The following GLIS1 variants were observed in gnomAD, a reference collection of about 807,000 sequenced individuals.
GLIS1 encodes the protein zinc finger protein GLIS1.
A neutral mutation model predicts 63.8 loss-of-function variants in GLIS1; 24 were observed. The ratio of observed to expected loss-of-function variants is 0.38; its 90% CI spans 0.27 to 0.53. The LOEUF (loss-of-function observed/expected upper bound fraction) is 0.53. Among genes scored for constraint, GLIS1 ranks in the 20% least tolerant of loss-of-function variants. The probability of loss-of-function intolerance (pLI) is 0.85; values close to 1 mark genes in which losing one functional copy is unlikely to be tolerated. For synonymous variants in GLIS1, 450 were observed against 482.5 expected (o/e 0.93, Z 0.88); for missense variants, 1,036 against 1,074.1 (o/e 0.96, Z 0.50).
In GLIS1 at chr1:53,594,349, C is replaced by A. The variant is rs1482036228; in HGVS notation, c.1079G>T (p.Gly360Val). ...CCCGGCCACCACCCTGCCTGCCAGGCCCAGCCCCAGGCCTCCAAGGCTTGG... is the reference window on the plus strand; with the variant it reads ...CCCGGCCACCACCCTGCCTGCCAGGACCAGCCCCAGGCCTCCAAGGCTTGG... Reference protein sequence around the residue: ...PGPSLGGLGLGLAGRVVAGRQ... With the variant: ...PGPSLGGLGLVLAGRVVAGRQ... The change falls in exon 4 of 11, where the codon GGC becomes GTC. Residue 360 changes from glycine to valine, a missense_variant. Gly to Val is a moderately radical substitution (Grantham distance 109, BLOSUM62 -3). Around this residue, in one of 3 missense-constraint regions of GLIS1, gnomAD observed 592 missense variants for 593.9 expected, o/e 1.00. Transcript: ENST00000628545. The A allele has an allele frequency of 3.7e-6, 6 of 1,611,440 alleles. No individual in the cohort carries two copies. Among genetic ancestry groups the A allele is most frequent in the Non-Finnish European group, 5.1e-6 (6 of 1,179,158 alleles).
intron 2 of GLIS1, among the ~76,000 whole-genome samples, chr1:53,618,702 C>T (rs1645508453): frequency 6.6e-6 from 1 of 152,230 alleles, no homozygotes; most frequent in Admixed American, 6.5e-5. Context: ...AGCCCACTCA[C>T]AGATACTGCT....
intron 2 of GLIS1, among the ~76,000 whole-genome samples, chr1:53,662,374 T>G (rs1646038167): frequency 6.6e-6 from 1 of 152,198 alleles, no homozygotes; most frequent in African/African-American, 2.4e-5. Flanking sequence ...AACCATGTGT[T>G]CCCAATGAGG....
At chr1:53,647,788 A>G (rs917626699) in intron 2 of GLIS1, among the ~76,000 whole-genome samples, 1 of 152,168 alleles carries the variant, frequency 6.6e-6, no homozygotes, top group East Asian at 1.9e-4. Context: ...TCATTAAGAG[A>G]GAAAAAGGGC....
At chr1:53,728,691 T>G (rs550365716) in intron 2 of GLIS1, among the ~76,000 whole-genome samples, 1 of 152,304 alleles carries the variant, frequency 6.6e-6, no homozygotes, top group Admixed American at 6.5e-5. Flanking sequence ...CAAAAATGAT[T>G]TAAGGAGGCA....
At chr1:53,653,389 T>C (rs1167547654) in intron 2 of GLIS1, among the ~76,000 whole-genome samples, 1 of 152,124 alleles carries the variant, frequency 6.6e-6, no homozygotes, top group African/African-American at 2.4e-5. Context: ...CCAGTGGAAG[T>C]ACCTATCCAC....
At chr1:53,589,370 C>T (rs1010674733) in intron 4 of GLIS1, among the ~76,000 whole-genome samples, 1 of 152,228 alleles carries the variant, frequency 6.6e-6, no homozygotes, top group Non-Finnish European at 1.5e-5. Context: ...TCCCCCGCCC[C>T]TCCCAGCACC....
intron 6 of GLIS1, 56 bp downstream of exon 6, chr1:53,524,721 A>G: frequency 7.8e-7 from 1 of 1,274,514 alleles, no homozygotes; most frequent in East Asian, 2.3e-5. Context: ...ACCTGGCCTG[A>G]TGCGGTGCAG....
Position 53,509,974 on chromosome 1 carries a change from G to A in GLIS1, c.1937C>T (p.Pro646Leu). 1 of 1,292,750 alleles carries A rather than the reference G, an allele frequency of 7.7e-7. No individual in the cohort carries two copies. The highest frequency in any genetic ancestry group is 9.9e-7 in the Non-Finnish European group (1 of 1,012,112). 80.1% of individuals were successfully genotyped at this position (1,292,750 alleles called of 1,614,324 possible). Residue 646 changes from proline to leucine, a missense_variant, in exon 9 of 11, where the codon CCA (proline) becomes CTA (leucine). Pro to Leu is a moderately conservative substitution (Grantham distance 98). This residue lies in a region of GLIS1 where 400 missense variants were observed against 400.9 expected (regional missense o/e 1.00). Transcript: ENST00000628545. ...PIVSPLKGLGPPPLPPSSQSH... is the reference protein window; with the variant it reads ...PIVSPLKGLGLPPLPPSSQSH... ...CTGAGAGGATGGGGGCAGCGGCGGT[G>A]GCCCCAGCCCCTTCAGGGGGCTGAC...
At chr1:53,520,221 G>A (rs575799869) in intron 7 of GLIS1, among the ~76,000 whole-genome samples, 2 of 152,294 alleles carry the variant, frequency 1.3e-5, no homozygotes, top group East Asian at 3.9e-4. Context: ...ATGAAGGGTA[G>A]GAGAAGAGGG....
At position 53,586,689 on chromosome 1, in the gene GLIS1, G is replaced by C. The variant is rs529346890; in HGVS notation, c.1320+7419C>G. On this transcript the variant is annotated intron_variant, in intron 4 of 10. Coordinates refer to ENST00000628545, the MANE Select transcript of GLIS1 (RefSeq NM_001367484.1). Reference sequence around the variant, plus strand: ...CACAGGCTGAGGGGTGGCAAAGCTAGGTTTCAAATTCAGGCTTTCTTGCAG... The same window carrying C: ...CACAGGCTGAGGGGTGGCAAAGCTACGTTTCAAATTCAGGCTTTCTTGCAG... 1.4e-4 allele frequency among the ~76,000 whole-genome samples: 22 copies of C among 152,302 alleles called. No homozygotes were observed. In the South Asian group the frequency reaches 4.6e-3, roughly 32 times the overall value.
chr1:53,623,216 C>A (rs1344418865), intron 2 of GLIS1, among the ~76,000 whole-genome samples: 1 of 152,032 alleles, frequency 6.6e-6, no homozygotes. Flanking sequence ...GAAAAGATAA[C>A]AAACACATCA....
chr1:53,552,481 G>A (rs1226704337), intron 4 of GLIS1, among the ~76,000 whole-genome samples: 1 of 152,174 alleles, frequency 6.6e-6, no homozygotes, highest in Non-Finnish European at 1.5e-5. Flanking sequence ...ATACTTTTAA[G>A]CCAACCACAA....
At chr1:53,606,772 A>C in intron 2 of GLIS1, among the ~76,000 whole-genome samples, 1 of 152,344 alleles carries the variant, frequency 6.6e-6, no homozygotes, top group South Asian at 2.1e-4. Flanking sequence ...CCTCCAGAAC[A>C]GCAGGCCTGA....
chr1:53,592,105 G>T (rs1437299888), intron 4 of GLIS1, among the ~76,000 whole-genome samples: 2 of 152,250 alleles, frequency 1.3e-5, no homozygotes, highest in African/African-American at 4.8e-5. Flanking sequence ...GTAAGCCAGT[G>T]TCCTGTGAAG....
chr1:53,690,524 A>C (rs112729709), intron 2 of GLIS1, among the ~76,000 whole-genome samples: 5 of 152,366 alleles, frequency 3.3e-5, no homozygotes, highest in African/African-American at 1.2e-4. Flanking sequence ...CTTGGCTTCA[A>C]CGTCTGCATC....
At chr1:53,513,487 C>G (rs1644318918) in intron 8 of GLIS1, among the ~76,000 whole-genome samples, 1 of 152,212 alleles carries the variant, frequency 6.6e-6, no homozygotes, top group Non-Finnish European at 1.5e-5. Context: ...TGCCTACCTT[C>G]ACTCTTGCTA....
Position 53,609,609 on chromosome 1 carries a change from C to A in GLIS1, c.260-9331G>T, listed in dbSNP as rs889826232. On this transcript the variant is annotated intron_variant, in intron 2 of 10. Coordinates refer to ENST00000628545, the MANE Select transcript of GLIS1 (RefSeq NM_001367484.1). The stretch of plus-strand genomic sequence containing the variant: ...TTGAACCTATTCTAGGTTTTCTCTC[C>A]TTTCTTACCTTCTTTCAAATTAATC... 3.9e-5 allele frequency among the ~76,000 whole-genome samples: 6 copies of A among 152,304 alleles called. No individual in the cohort carries two copies. In the East Asian group the frequency reaches 1.2e-3, roughly 29 times the overall value.
intron 8 of GLIS1, among the ~76,000 whole-genome samples, chr1:53,510,575 A>C (rs1038575318): frequency 6.6e-6 from 1 of 152,174 alleles, no homozygotes; most frequent in Admixed American, 6.5e-5. Context: ...ACAGACCAGA[A>C]AACCAAGGCT....
intron 2 of GLIS1, among the ~76,000 whole-genome samples, chr1:53,726,637 C>CA (rs1446910768): frequency 6.6e-6 from 1 of 152,056 alleles, no homozygotes; most frequent in Non-Finnish European, 1.5e-5. Context: ...ACAGGCTGAA[C>CA]AAGCATCTTG....
Sources: gnomAD v4.1 joint callset for allele counts (sites outside exome capture counted in the v4.1 genomes callset) on GRCh38, gnomAD v4.1.1 for gene constraint, gnomAD v4.1.1 regional missense constraint, MANE v1.5 for transcripts, NCBI Gene and HGNC (gene_info 2026-07-23, HGNC 2026-07-21) for gene names.